The following WDR70 variants were observed in gnomAD, a reference collection of about 807,000 sequenced individuals.
WDR70 encodes WD repeat domain 70, also known as WD repeat-containing protein 70.
Under a neutral mutation model 88.6 loss-of-function variants are expected in WDR70, and 53 were observed. The observed-to-expected ratio is 0.60, with a 90% CI of 0.48 to 0.75. The LOEUF (loss-of-function observed/expected upper bound fraction) is 0.75. WDR70 is among the 30% of genes least tolerant of loss of function. The pLI, the probability that WDR70 is intolerant of heterozygous loss-of-function variation, is 0.00. For synonymous variants in WDR70, 280 were observed against 270.0 expected (o/e 1.04, Z -0.36); for missense variants, 610 against 823.2 (o/e 0.74, Z 3.17).
intron 5 of WDR70, among the ~76,000 whole-genome samples, chr5:37,417,444 C>T (rs889009073): frequency 4.0e-5 from 6 of 151,828 alleles, no homozygotes; most frequent in African/African-American, 9.7e-5. Context: ...AGGCTGGTCT[C>T]GAACTCCTGG....
chr5:37,593,857 T>TGGTATCTC (rs1420716113), intron 9 of WDR70, among the ~76,000 whole-genome samples: 1 of 152,212 alleles, frequency 6.6e-6, no homozygotes, highest in Non-Finnish European at 1.5e-5. Context: ...TGGCGTAAGA[T>TGGTATCTC]GGTATCTCAT....
At chr5:37,423,108 C>T (rs1397247328) in intron 5 of WDR70, among the ~76,000 whole-genome samples, 3 of 152,050 alleles carry the variant, frequency 2.0e-5, no homozygotes, top group Non-Finnish European at 2.9e-5. Context: ...TTCTCAGTGA[C>T]AAGGTAGTGT....
At chr5:37,647,844 C>G (rs996347962) in intron 10 of WDR70, among the ~76,000 whole-genome samples, 3 of 152,188 alleles carry the variant, frequency 2.0e-5, no homozygotes, top group African/African-American at 7.2e-5. Context: ...TTGGTCAGAC[C>G]TGAAGCCAGT....
At chr5:37,700,346 T>A (rs1252639854) in intron 11 of WDR70, 1 of 152,290 alleles carries the variant, frequency 6.6e-6, no homozygotes, top group Admixed American at 6.5e-5. Flanking sequence ...TATGGAATAC[T>A]TCACAAATTT....
chr5:37,738,757 T>C (rs1300875930), intron 17 of WDR70, among the ~76,000 whole-genome samples: 1 of 152,240 alleles, frequency 6.6e-6, no homozygotes, highest in Non-Finnish European at 1.5e-5. Flanking sequence ...AGACTCACTT[T>C]GTAAAAATAA....
intron 10 of WDR70, among the ~76,000 whole-genome samples, chr5:37,615,373 A>G (rs1744307375): frequency 6.6e-6 from 1 of 152,182 alleles, no homozygotes; most frequent in African/African-American, 2.4e-5. Context: ...ATGCGTCATG[A>G]AATTTCAGGA....
At chr5:37,651,719 G>T (rs1048937914) in intron 10 of WDR70, among the ~76,000 whole-genome samples, 1 of 152,080 alleles carries the variant, frequency 6.6e-6, no homozygotes, top group Non-Finnish European at 1.5e-5. Flanking sequence ...TGATGATGAG[G>T]TTTTTTTCAT....
At chr5:37,432,129 A>C (rs1426792146) in intron 5 of WDR70, among the ~76,000 whole-genome samples, 1 of 151,970 alleles carries the variant, frequency 6.6e-6, no homozygotes, top group Non-Finnish European at 1.5e-5. Context: ...GATACTACCA[A>C]GCTGTTTTCC....
rs537710477 is a variant in WDR70 at position 37,483,609 on chromosome 5, T to C, written c.840+3622T>C. ...TCATCATAGCCCGTTCTCAATGAGC[T>C]GTTGGGTACACCTCCCAGACAGGGT... On this transcript the variant is annotated intron_variant, in intron 8 of 17. Transcript: ENST00000265107. 5.3e-5 allele frequency among the ~76,000 whole-genome samples: 8 copies of C among 152,318 alleles called. No homozygotes were observed. The South Asian group carries it at 1.5e-3, about 28-fold the overall frequency.
chr5:37,476,352 C>T (rs780022910), intron 7 of WDR70, among the ~76,000 whole-genome samples: 1 of 152,118 alleles, frequency 6.6e-6, no homozygotes, highest in Admixed American at 6.6e-5. Flanking sequence ...TGCCATTTTG[C>T]AGCTGTTTTC....
At chr5:37,454,913 T>C (rs554480804) in intron 7 of WDR70, among the ~76,000 whole-genome samples, 1 of 152,344 alleles carries the variant, frequency 6.6e-6, no homozygotes, top group South Asian at 2.1e-4. Flanking sequence ...TGTCATTTAA[T>C]CACTTTGACC....
intron 5 of WDR70, among the ~76,000 whole-genome samples, chr5:37,426,405 C>T (rs902388274): frequency 4.6e-5 from 7 of 152,194 alleles, no homozygotes; most frequent in Non-Finnish European, 1.0e-4. Context: ...TTCTATGTAA[C>T]AAACCACCTT....
intron 9 of WDR70, among the ~76,000 whole-genome samples, chr5:37,563,328 G>C (rs1742592710): frequency 1.7e-5 from 1 of 58,190 alleles, no homozygotes; most frequent in East Asian, 4.2e-4. Context: ...CCTCCTGGAC[G>C]GGGCGGCTGG....
At chr5:37,611,816 A>G (rs1184276345) in intron 10 of WDR70, among the ~76,000 whole-genome samples, 1 of 147,948 alleles carries the variant, frequency 6.8e-6, no homozygotes, top group African/African-American at 2.5e-5. Flanking sequence ...CTTCTTTGAC[A>G]TACCATTTTA....
intron 7 of WDR70, among the ~76,000 whole-genome samples, chr5:37,454,071 G>A (rs550337506): frequency 2.5e-4 from 38 of 152,292 alleles, no homozygotes; most frequent in African/African-American, 8.9e-4. Context: ...TCATACAATA[G>A]TAGTGTTTCA....
rs548093498 is a variant in WDR70 at position 37,631,786 on chromosome 5, C to T, written c.1092+26548C>T. On this transcript the variant is annotated intron_variant, in intron 10 of 17. Transcript: ENST00000265107. The stretch of plus-strand genomic sequence containing the variant: ...ACTCTAGAGGGCTCATTTTCCTCTA[C>T]GGGTTGTTTCAAAGCCAGGGAATGT... Among the ~76,000 whole-genome samples, 13 of 152,224 alleles carry T rather than the reference C, an allele frequency of 8.5e-5. No homozygotes were observed. The South Asian group carries it at 1.0e-3, about 12-fold the overall frequency.
At chr5:37,413,665 T>C (rs1749595652) in intron 5 of WDR70, among the ~76,000 whole-genome samples, 2 of 145,252 alleles carry the variant, frequency 1.4e-5, no homozygotes, top group African/African-American at 5.1e-5. Flanking sequence ...GAGGTTGCAG[T>C]GAGCCGAGAT....
intron 10 of WDR70, among the ~76,000 whole-genome samples, chr5:37,692,165 A>C (rs1473801900): frequency 6.6e-6 from 1 of 152,050 alleles, no homozygotes; most frequent in Non-Finnish European, 1.5e-5. Flanking sequence ...AGACTAAATG[A>C]GGAATAAGTT....
intron 9 of WDR70, among the ~76,000 whole-genome samples, chr5:37,557,938 G>GAAA (rs1742346482): frequency 6.6e-6 from 1 of 151,236 alleles, no homozygotes; most frequent in Non-Finnish European, 1.5e-5. Context: ...GTACTCTTTT[G>GAAA]AATACTCTTC....
Sources: allele counts gnomAD v4.1 joint callset (sites outside exome capture counted in the v4.1 genomes callset), GRCh38; gene constraint gnomAD v4.1.1; transcripts MANE v1.5; gene names NCBI Gene and HGNC (gene_info 2026-07-23, HGNC 2026-07-21).